Variants in ZNF606 observed in about 807,000 individuals in gnomAD.
The protein encoded by ZNF606 is zinc finger protein 328.
Under a neutral mutation model 74.9 loss-of-function variants are expected in ZNF606, and 37 were observed. The observed-to-expected ratio is 0.49, with a 90% CI of 0.38 to 0.65. The LOEUF is 0.65. Ranked by LOEUF, ZNF606 falls within the 30% of genes least tolerant of loss-of-function variation. The pLI is 0.00. For missense variants in ZNF606, 852 were observed against 952.9 expected (o/e 0.89, Z 1.39); for synonymous variants, 328 against 312.4 (o/e 1.05, Z -0.53).
chr19:57,998,207 A>G (rs1191952335), intron 4 of ZNF606: 1 of 152,218 alleles, frequency 6.6e-6, no homozygotes, highest in South Asian at 2.1e-4. Flanking sequence ...CAGAGTAAAT[A>G]TAACTTTAAT....
At chr19:57,998,031 AT>A (rs1323420606) in intron 4 of ZNF606, 1 of 152,154 alleles carries the variant, frequency 6.6e-6, no homozygotes, top group Non-Finnish European at 1.5e-5. Flanking sequence ...TTTCAATAAT[AT>A]TTTTTAATTT....
chr19:57,979,874 G>C lies in ZNF606; in HGVS notation c.806C>G (p.Thr269Ser). 6.2e-7 allele frequency: 1 copy of C among 1,613,752 alleles called. No individual in the cohort carries two copies. Among genetic ancestry groups the C allele is most frequent in the Non-Finnish European group, 8.5e-7 (1 of 1,180,006 alleles). ...VTCENNDYDKTVYQSIQPIYP... is the reference protein window; with the variant it reads ...VTCENNDYDKSVYQSIQPIYP... Reference sequence around the variant, plus strand: ...AATAGGTTGAATGGACTGATAAACAGTTTTGTCATAATCATTATTTTCACA... The same window carrying C: ...AATAGGTTGAATGGACTGATAAACACTTTTGTCATAATCATTATTTTCACA... The change falls in exon 7 of 7, where the codon ACT becomes AGT. Residue 269 changes from threonine to serine, a missense_variant. Coordinates refer to ENST00000551380, the MANE Select transcript of ZNF606 (RefSeq NM_001348022.3).
chr19:57,999,932 C>T (rs776409728), intron 3 of ZNF606, 36 bp from the exon 4 acceptor site: 24 of 1,594,670 alleles, frequency 1.5e-5, no homozygotes, highest in South Asian at 3.3e-5. Flanking sequence ...AGGCAGCTCT[C>T]GCTGCCAGGA....
At chr19:57,995,762 T>G (rs1023475674) in intron 4 of ZNF606, among the ~76,000 whole-genome samples, 1 of 151,958 alleles carries the variant, frequency 6.6e-6, no homozygotes, top group Non-Finnish European at 1.5e-5. Context: ...GAGACTGCAG[T>G]GAGCTGAGAT....
intron 4 of ZNF606, chr19:57,999,462 C>G: frequency 2.7e-6 from 1 of 375,024 alleles, no homozygotes; most frequent in Non-Finnish European, 4.8e-6. Context: ...CCCTTCACAG[C>G]AGGCACAGCA....
Position 57,979,846 on chromosome 19 carries a change from G to T in ZNF606, c.834C>A (p.Tyr278Ter). ...KTVYQSIQPI[Y>*]PARIQTGDNL... ...TATCTCCAGTTTGTATTCTTGCAGG[G>T]TAAATAGGTTGAATGGACTGATAAA... is the stretch of plus-strand genomic sequence containing the variant. The change falls in exon 7 of 7, where the codon TAC becomes TAA. Residue 278 changes from tyrosine (Y) to a stop codon, truncating the protein, a stop_gained. Transcript: ENST00000551380. LOFTEE classifies it high-confidence loss of function. 1 of 1,613,568 alleles carries T rather than the reference G, an allele frequency of 6.2e-7. No individual in the cohort carries two copies. Among genetic ancestry groups the T allele is most frequent in the Non-Finnish European group, 8.5e-7 (1 of 1,180,008 alleles).
chr19:57,999,963 G>A (rs1404072032), intron 3 of ZNF606, 67 bp from the exon 4 acceptor site: 1 of 1,479,946 alleles, frequency 6.8e-7, no homozygotes, highest in Non-Finnish European at 9.2e-7. Flanking sequence ...TCTTCTGGGG[G>A]GCTGAGAACC....
chr19:58,000,347 G>C (rs895394877), intron 3 of ZNF606: 6 of 521,634 alleles, frequency 1.2e-5, no homozygotes, highest in Middle Eastern at 4.8e-4. Context: ...TCAGCCTCCC[G>C]AGCAGCTGGG....
At chr19:58,002,877 C>T (rs1266796243), upstream of ZNF606, 1 of 431,364 alleles carries the variant, frequency 2.3e-6, no homozygotes. Context: ...CTTCCGGCGT[C>T]GGGCAGCGGC....
At chr19:58,003,192 T>G (rs866690856), upstream of ZNF606, 22 of 455,066 alleles carry the variant, frequency 4.8e-5, no homozygotes, top group Middle Eastern at 4.9e-3. Flanking sequence ...AGAAAGTGAC[T>G]GCTGTTATTC....
intron 1 of ZNF606, chr19:58,002,124 T>C: frequency 2.2e-6 from 1 of 455,782 alleles, no homozygotes; most frequent in Non-Finnish European, 4.4e-6. Flanking sequence ...CAAACCGTAC[T>C]TTGCACCATT....
intron 4 of ZNF606, among the ~76,000 whole-genome samples, chr19:57,989,409 T>C (rs2073216217): frequency 6.6e-6 from 1 of 152,094 alleles, no homozygotes; most frequent in African/African-American, 2.4e-5. Context: ...AAGTCTGATT[T>C]TTCCAATGAA....
intron 5 of ZNF606, 56 bp from the exon 6 acceptor site, chr19:57,988,358 G>A (rs1472115908): frequency 6.4e-7 from 1 of 1,557,032 alleles, no homozygotes; most frequent in African/African-American, 1.4e-5. Context: ...GACAGCCAAA[G>A]AAAGCTTCTC....
At position 57,977,339 on chromosome 19, in the gene ZNF606, G is replaced by A. The variant is rs1212865030; in HGVS notation, c.*962C>T. The A allele has an allele frequency of 6.6e-6, 1 of 152,124 alleles. No individual in the cohort carries two copies. The highest frequency in any genetic ancestry group is 1.5e-5 in the Non-Finnish European group (1 of 68,014). The allele number at this position is 152,124 out of a possible 1,614,324, so 9.4% of individuals were successfully genotyped here. A position where few individuals can be genotyped will look rare whatever the true frequency, so the allele number is the denominator to read the frequency against. The stretch of plus-strand genomic sequence containing the variant: ...AGGGGACTAAACAAGTTAACACTTG[G>A]AAAGCATTTAAAAGAAAGCCCAGCA... On this transcript the variant is annotated 3_prime_UTR_variant, in exon 7 of 7. Transcript: ENST00000551380.
At chr19:57,992,520 T>C (rs1026421631) in intron 4 of ZNF606, among the ~76,000 whole-genome samples, 9 of 152,254 alleles carry the variant, frequency 5.9e-5, no homozygotes, top group African/African-American at 2.2e-4. Context: ...TTCTTCAGCA[T>C]ATGAAGCATG....
At chr19:57,998,914 C>G (rs2073376051) in intron 4 of ZNF606, 1 of 152,616 alleles carries the variant, frequency 6.6e-6, no homozygotes, top group African/African-American at 2.4e-5. Context: ...AGCTCCAAGG[C>G]CCTGGTCAGA....
intron 6 of ZNF606, among the ~76,000 whole-genome samples, chr19:57,982,305 C>A (rs549932299): frequency 6.6e-6 from 1 of 152,264 alleles, no homozygotes; most frequent in South Asian, 2.1e-4. Flanking sequence ...GTCATCACAT[C>A]CTCTCCCATG....
At position 57,977,816 on chromosome 19, in the gene ZNF606, G is replaced by C. The variant is rs949037705; in HGVS notation, c.*485C>G. ...TTCATATTCTACTCCTGGGCACCCA[G>C]ACCCTCCCCTTATAACAACAAAATC... is the stretch of plus-strand genomic sequence containing the variant. On this transcript the variant is annotated 3_prime_UTR_variant, in exon 7 of 7. Coordinates refer to ENST00000551380, the MANE Select transcript of ZNF606 (RefSeq NM_001348022.3). 3 of 152,674 alleles carry C rather than the reference G, an allele frequency of 2.0e-5. No homozygotes were observed. Among genetic ancestry groups the C allele is most frequent in the African/African-American group, 7.2e-5 (3 of 41,452 alleles). 9.5% of individuals were successfully genotyped at this position (152,674 alleles called of 1,614,324 possible).
chr19:58,001,816 T>TAA (rs749791797), intron 1 of ZNF606, among the ~76,000 whole-genome samples: 109 of 152,328 alleles, frequency 7.2e-4, no homozygotes, highest in Non-Finnish European at 1.2e-3. Flanking sequence ...TGCACAACTT[T>TAA]ATTAATATAC....
Sources: gnomAD v4.1 joint callset for allele counts (sites outside exome capture counted in the v4.1 genomes callset) on GRCh38, gnomAD v4.1.1 for gene constraint, MANE v1.5 for transcripts, NCBI Gene and HGNC (gene_info 2026-07-23, HGNC 2026-07-21) for gene names.